Variants in TBC1D4 observed in about 807,000 individuals in gnomAD.
TBC1D4 encodes TBC1 domain family member 4, also known as TBC (Tre-2, BUB2, CDC16) domain-containing protein.
A neutral mutation model predicts 142.5 loss-of-function variants in TBC1D4; 121 were observed. That is an observed-to-expected ratio of 0.85 (90% CI 0.73 to 0.99). The LOEUF is 0.99. Ranked by LOEUF, TBC1D4 falls within the 50% of genes least tolerant of loss-of-function variation. TBC1D4 has a pLI of 0.00. For synonymous variants in TBC1D4, 630 were observed against 628.2 expected (o/e 1.00, Z -0.04); for missense variants, 1,475 against 1,606.6 (o/e 0.92, Z 1.40).
At position 75,286,565 on chromosome 13, in the gene TBC1D4, A is replaced by C; in HGVS notation, c.*227T>G. ...CATGAACTATGTTCATTTTATATAT[A>C]TATTTATATGTACATAGCAACAACA... On this transcript the variant is annotated 3_prime_UTR_variant, in exon 21 of 21. Transcript: ENST00000377636. 2.2e-6 allele frequency: 1 copy of C among 454,864 alleles called. No homozygotes were observed. The highest frequency in any genetic ancestry group is 3.7e-5 in the Admixed American group (1 of 27,168). 28.2% of individuals were successfully genotyped at this position (454,864 alleles called of 1,614,324 possible).
At chr13:75,304,203 C>A (rs1198483885) in intron 15 of TBC1D4, among the ~76,000 whole-genome samples, 1 of 152,228 alleles carries the variant, frequency 6.6e-6, no homozygotes, top group Admixed American at 6.5e-5. Context: ...TAGAAGGTAA[C>A]TATCAGCCCA....
chr13:75,383,142 T>C (rs1244026846), intron 1 of TBC1D4, among the ~76,000 whole-genome samples: 1 of 152,102 alleles, frequency 6.6e-6, no homozygotes, highest in African/African-American at 2.4e-5. Context: ...GCCAACATAG[T>C]GAAATCCCAT....
Position 75,359,799 on chromosome 13 carries a change from C to T in TBC1D4, c.1140G>A (p.Lys380=), listed in dbSNP as rs751078491. 6.2e-7 allele frequency: 1 copy of T among 1,613,414 alleles called. No homozygotes were observed. The highest frequency in any genetic ancestry group is 8.5e-7 in the Non-Finnish European group (1 of 1,179,744). The change falls in exon 3 of 21, where the codon AAG becomes AAA. Residue 380 remains lysine, a synonymous_variant. Coordinates refer to ENST00000377636, the MANE Select transcript of TBC1D4 (RefSeq NM_014832.5). ...SPDTKSVVLE[K]NFKDISSCSQ... ...AACAAGAGGAGATATCTTTAAAATT[C>T]TTTTCTAGCACAACTGATTTAGTGT...
chr13:75,476,791 G>A (rs776135360), intron 1 of TBC1D4, among the ~76,000 whole-genome samples: 13 of 152,140 alleles, frequency 8.5e-5, no homozygotes, highest in Admixed American at 1.3e-4. Flanking sequence ...GTGGTCACCC[G>A]GCCAGTAGTT....
At chr13:75,440,689 G>C (rs1014567529) in intron 1 of TBC1D4, among the ~76,000 whole-genome samples, 1 of 151,564 alleles carries the variant, frequency 6.6e-6, no homozygotes, top group Admixed American at 6.6e-5. Context: ...GAGTAGACAG[G>C]GCTACAGGCC....
chr13:75,337,134 A>G, intron 7 of TBC1D4, 94 bp from the exon 8 acceptor site: 1 of 1,187,708 alleles, frequency 8.4e-7, no homozygotes, highest in Non-Finnish European at 1.2e-6. Context: ...ATTAAAAAAC[A>G]CAAGAATTCT....
chr13:75,374,707 C>T (rs979660478), intron 1 of TBC1D4, among the ~76,000 whole-genome samples: 1 of 152,168 alleles, frequency 6.6e-6, no homozygotes, highest in Non-Finnish European at 1.5e-5. Context: ...GAGCTGCAGT[C>T]TTGCCAAATT....
chr13:75,305,585 T>A (rs1465496712), intron 15 of TBC1D4, among the ~76,000 whole-genome samples: 1 of 152,248 alleles, frequency 6.6e-6, no homozygotes, highest in Non-Finnish European at 1.5e-5. Flanking sequence ...TAACTGTGGC[T>A]CAACAGTCTC....
chr13:75,321,736 T>C (rs1244298336), intron 11 of TBC1D4, among the ~76,000 whole-genome samples: 2 of 152,052 alleles, frequency 1.3e-5, no homozygotes, highest in Admixed American at 6.5e-5. Flanking sequence ...ATTAAAGACA[T>C]GTATAATAAT....
chr13:75,306,190 T>C (rs1219116240), intron 15 of TBC1D4, 123 bp downstream of exon 15: 11 of 907,574 alleles, frequency 1.2e-5, no homozygotes, highest in South Asian at 1.1e-4. Flanking sequence ...TCTCTTTTTT[T>C]ACTAAGCAAA....
chr13:75,406,702 A>G (rs1885363515), intron 1 of TBC1D4, among the ~76,000 whole-genome samples: 1 of 152,218 alleles, frequency 6.6e-6, no homozygotes, highest in South Asian at 2.1e-4. Context: ...AAAAGTGATT[A>G]TTAGAGAAAA....
rs548057 is a variant in TBC1D4 at position 75,341,840 on chromosome 13, A to G, written c.1409-253T>C. Among the ~76,000 whole-genome samples the G allele has an allele frequency of 0.48, 73,292 of 152,140 alleles. 18,505 individuals are homozygous for G. The highest frequency in any genetic ancestry group is 0.8 in the East Asian group (4,123 of 5,174). ...TACAATTACTAACAACGGGCCGGGC[A>G]CAGTGGCTCGCGCCTGTAATCCCAA... On this transcript the variant is annotated intron_variant, in intron 5 of 20. Coordinates refer to ENST00000377636, the MANE Select transcript of TBC1D4 (RefSeq NM_014832.5).
intron 1 of TBC1D4, among the ~76,000 whole-genome samples, chr13:75,410,908 C>G (rs530541806): frequency 7.6e-6 from 1 of 131,614 alleles, no homozygotes; most frequent in Non-Finnish European, 1.5e-5. Context: ...TGCACTCCAG[C>G]CTGGGCGACA....
chr13:75,480,877 GCACACACACACACACACA>G (rs35548574), intron 1 of TBC1D4, among the ~76,000 whole-genome samples: 2 of 124,064 alleles, frequency 1.6e-5, no homozygotes, highest in Non-Finnish European at 3.7e-5. Flanking sequence ...GCACACGCAC[GCACACACACACACACACA>G]CACACACACA....
chr13:75,347,620 A>G (rs1881254394), intron 5 of TBC1D4, among the ~76,000 whole-genome samples: 1 of 152,172 alleles, frequency 6.6e-6, no homozygotes, highest in African/African-American at 2.4e-5. Flanking sequence ...TCCATCTAGC[A>G]TGTATTACTA....
chr13:75,385,866 G>T (rs559270692), intron 1 of TBC1D4, among the ~76,000 whole-genome samples: 1 of 152,218 alleles, frequency 6.6e-6, no homozygotes, highest in African/African-American at 2.4e-5. Context: ...AAATGAATAT[G>T]ACATTTTCCA....
At chr13:75,468,825 G>C (rs868715912) in intron 1 of TBC1D4, among the ~76,000 whole-genome samples, 5 of 152,174 alleles carry the variant, frequency 3.3e-5, no homozygotes, top group Middle Eastern at 3.2e-3. Flanking sequence ...ATTTCAATTC[G>C]TTGGAATGAA....
At chr13:75,373,629 A>C (rs928211922) in intron 1 of TBC1D4, among the ~76,000 whole-genome samples, 2 of 152,140 alleles carry the variant, frequency 1.3e-5, no homozygotes, top group African/African-American at 2.4e-5. Context: ...CCTCCAAACA[A>C]TGCGGGTCCT....
chr13:75,408,951 T>C (rs1414771165), intron 1 of TBC1D4, among the ~76,000 whole-genome samples: 1 of 152,158 alleles, frequency 6.6e-6, no homozygotes, highest in Non-Finnish European at 1.5e-5. Context: ...ATTCTGTACA[T>C]GTTCTGTTTA....
Sources: allele counts gnomAD v4.1 joint callset (sites outside exome capture counted in the v4.1 genomes callset), GRCh38; gene constraint gnomAD v4.1.1; transcripts MANE v1.5; gene names NCBI Gene and HGNC (gene_info 2026-07-23, HGNC 2026-07-21).